The following VSTM2B variants were observed in gnomAD, a reference collection of about 807,000 sequenced individuals.
VSTM2B encodes the protein V-set and transmembrane domain-containing protein 2B.
In VSTM2B, 24 loss-of-function variants were observed where a neutral mutation model predicts 24.0. The ratio of observed to expected loss-of-function variants is 1.00; its 90% CI spans 0.72 to 1.40. The LOEUF is 1.40. Among genes scored for constraint, VSTM2B ranks in the 40% most tolerant of loss-of-function variants. The pLI is 0.00. For synonymous variants in VSTM2B, 226 were observed against 194.4 expected, an observed-to-expected ratio of 1.16 and a Z score of -1.35; for missense variants, 399 against 416.4, an observed-to-expected ratio of 0.96 and a Z score of 0.36.
intron 4 of VSTM2B, among the ~76,000 whole-genome samples, chr19:29,539,843 C>G (rs1969983533): frequency 6.6e-6 from 1 of 152,210 alleles, no homozygotes; most frequent in South Asian, 2.1e-4. Flanking sequence ...GCCCCTCCTG[C>G]CTGTCTCCAC....
At chr19:29,529,619 G>A (rs760404780) in intron 3 of VSTM2B, among the ~76,000 whole-genome samples, 200 bp from the exon 4 acceptor site, 21 of 152,202 alleles carry the variant, frequency 1.4e-4, no homozygotes, top group Non-Finnish European at 2.6e-4. Flanking sequence ...CAAAGAGCTG[G>A]CTGCCTGGCG....
chr19:29,542,084 T>C (rs1217420132), intron 4 of VSTM2B, among the ~76,000 whole-genome samples: 1 of 144,712 alleles, frequency 6.9e-6, no homozygotes, highest in Non-Finnish European at 1.5e-5. Flanking sequence ...GATGAGTAGA[T>C]GGTAGATGGG....
chr19:29,525,868 G>A (rs1479201509), upstream of VSTM2B: 1 of 147,048 alleles, frequency 6.8e-6, no homozygotes, highest in Non-Finnish European at 1.5e-5. Context: ...GAGGGGGAGC[G>A]CTCTGGGGCG....
intron 4 of VSTM2B, among the ~76,000 whole-genome samples, chr19:29,532,027 G>T (rs2145468551): frequency 6.6e-6 from 1 of 152,312 alleles, no homozygotes; most frequent in Non-Finnish European, 1.5e-5. Context: ...AGAGAATTAA[G>T]CCCTAATACT....
intron 2 of VSTM2B, 25 bp from the exon 3 acceptor site, chr19:29,528,408 C>G: frequency 4.5e-6 from 7 of 1,551,102 alleles, no homozygotes; most frequent in Non-Finnish European, 6.1e-6. Context: ...AGCCTCACGT[C>G]TCTCTCTCCC....
intron 4 of VSTM2B, among the ~76,000 whole-genome samples, chr19:29,554,988 C>T (rs569043437): frequency 3.9e-5 from 6 of 152,166 alleles, no homozygotes; most frequent in African/African-American, 1.4e-4. Flanking sequence ...ACCCCATTGT[C>T]AATATTAGAT....
At chr19:29,532,024 T>A (rs1224500075) in intron 4 of VSTM2B, among the ~76,000 whole-genome samples, 1 of 152,174 alleles carries the variant, frequency 6.6e-6, no homozygotes, top group Non-Finnish European at 1.5e-5. Flanking sequence ...CTAAGAGAAT[T>A]AAGCCCTAAT....
intron 4 of VSTM2B, among the ~76,000 whole-genome samples, chr19:29,562,190 C>T (rs1970543256): frequency 6.6e-6 from 1 of 152,176 alleles, no homozygotes; most frequent in Non-Finnish European, 1.5e-5. Flanking sequence ...ATGATTTGTA[C>T]AACCTCCTCC....
chr19:29,557,940 A>C (rs920991124), intron 4 of VSTM2B, among the ~76,000 whole-genome samples: 6 of 152,306 alleles, frequency 3.9e-5, no homozygotes, highest in African/African-American at 1.4e-4. Context: ...AAAATTTTGC[A>C]ATCTATCCAT....
intron 4 of VSTM2B, among the ~76,000 whole-genome samples, chr19:29,534,921 G>T (rs1414876600): frequency 6.6e-6 from 1 of 152,040 alleles, no homozygotes; most frequent in Admixed American, 6.6e-5. Flanking sequence ...AGAGAGGGGG[G>T]ACTTCCTCCA....
At chr19:29,559,746 A>G (rs1225261393) in intron 4 of VSTM2B, among the ~76,000 whole-genome samples, 3 of 152,248 alleles carry the variant, frequency 2.0e-5, no homozygotes, top group Middle Eastern at 3.4e-3. Context: ...AGAAGAAGCT[A>G]TGTCACCCTT....
rs374884224 is a variant in VSTM2B at position 29,527,367 on chromosome 19, C to G, written c.239C>G (p.Ala80Gly). 25 of 1,542,966 alleles carry G rather than the reference C, an allele frequency of 1.6e-5. No individual in the cohort carries two copies. The highest frequency in any genetic ancestry group is 2.1e-5 in the Non-Finnish European group (24 of 1,144,684). ...EPPRELLHEL[A>G]LSVPGARSKV... ...CCCCGGGAGCTGCTGCACGAGCTGG[C>G]GCTCAGCGTGCCGGGCGCCCGGAGC... The change falls in exon 2 of 5, where the codon GCG becomes GGG. Residue 80 changes from alanine (A) to glycine (G), a missense_variant. Transcript: ENST00000335523.
At chr19:29,536,683 T>C (rs992926402) in intron 4 of VSTM2B, among the ~76,000 whole-genome samples, 8 of 152,216 alleles carry the variant, frequency 5.3e-5, no homozygotes, top group Non-Finnish European at 2.9e-5. Flanking sequence ...TCTGTGCTTA[T>C]AGCCAGAGCC....
At chr19:29,532,499 G>C (rs1012154514) in intron 4 of VSTM2B, among the ~76,000 whole-genome samples, 56 of 152,070 alleles carry the variant, frequency 3.7e-4, no homozygotes, top group African/African-American at 1.3e-3. Context: ...CCTCCCCTTG[G>C]GCCCCAGCAA....
chr19:29,529,503 C>A (rs955734250), intron 3 of VSTM2B, among the ~76,000 whole-genome samples: 2 of 152,328 alleles, frequency 1.3e-5, no homozygotes, highest in South Asian at 2.1e-4. Flanking sequence ...GGACTCTGCC[C>A]TTCTGAAGCG....
chr19:29,543,403 A>G (rs907349180), intron 4 of VSTM2B, among the ~76,000 whole-genome samples: 3 of 152,224 alleles, frequency 2.0e-5, no homozygotes, highest in Admixed American at 6.5e-5. Context: ...TTGTGTTTCT[A>G]AAGAAAAGTC....
At chr19:29,536,252 C>T (rs557516853) in intron 4 of VSTM2B, among the ~76,000 whole-genome samples, 1 of 152,324 alleles carries the variant, frequency 6.6e-6, no homozygotes, top group Admixed American at 6.5e-5. Context: ...CAGGACAAAG[C>T]AGTCTGTGCT....
intron 3 of VSTM2B, among the ~76,000 whole-genome samples, 200 bp downstream of exon 3, chr19:29,528,662 G>A (rs1226952554): frequency 6.6e-6 from 1 of 152,246 alleles, no homozygotes; most frequent in Non-Finnish European, 1.5e-5. Flanking sequence ...TCTCTTTTGT[G>A]TAAATCAAGG....
Position 29,526,327 on chromosome 19 carries a change from T to TG in VSTM2B, c.-256dup, listed in dbSNP as rs1307505760. ...TGGACGACCGGACAGAGAGAGGCAC[T>TG]GACCGATCGCCAGCAGCCTCCCGGT... is the stretch of plus-strand genomic sequence containing the variant. On this transcript the variant is annotated 5_prime_UTR_variant, in exon 1 of 5. Coordinates refer to ENST00000335523, the MANE Select transcript of VSTM2B (RefSeq NM_001146339.2). This position sits in a 1 kb window ranked among gnomAD's most constrained non-coding sequence, Gnocchi z 4.1. Among the ~76,000 whole-genome samples, 1 of 151,702 alleles carries TG rather than the reference T, an allele frequency of 6.6e-6. No individual in the cohort carries two copies. Among genetic ancestry groups the TG allele is most frequent in the Non-Finnish European group, 1.5e-5 (1 of 67,874 alleles).
Sources: allele counts gnomAD v4.1 joint callset (sites outside exome capture counted in the v4.1 genomes callset), GRCh38; gene constraint gnomAD v4.1.1; non-coding constraint Gnocchi (gnomAD v3.1); transcripts MANE v1.5; gene names NCBI Gene and HGNC (gene_info 2026-07-23, HGNC 2026-07-21).